The following ZPBP variants were observed in gnomAD, a reference collection of about 807,000 sequenced individuals.
ZPBP encodes zona pellucida binding protein, also known as zona pellucida-binding protein 1.
ZPBP carries 26 observed loss-of-function variants against 44.8 expected under a neutral mutation model. That is an observed-to-expected ratio of 0.58 (90% CI 0.43 to 0.81). The LOEUF is 0.81. Ranked by LOEUF, ZPBP falls within the 30% of genes least tolerant of loss-of-function variation. ZPBP has a pLI of 0.00. For missense variants in ZPBP, 409 were observed against 434.0 expected, an observed-to-expected ratio of 0.94 and a Z score of 0.51; for synonymous variants, 174 against 153.2, an observed-to-expected ratio of 1.14 and a Z score of -1.00.
chr7:49,930,407 T>A (rs1794406849), intron 1 of ZPBP, among the ~76,000 whole-genome samples: 1 of 152,186 alleles, frequency 6.6e-6, no homozygotes, highest in South Asian at 2.1e-4. Context: ...AATATAAAAA[T>A]CTATGTGATG....
chr7:49,966,724 A>T (rs1011715306), intron 7 of ZPBP, among the ~76,000 whole-genome samples: 1 of 152,172 alleles, frequency 6.6e-6, no homozygotes, highest in African/African-American at 2.4e-5. Flanking sequence ...AAAGACACAA[A>T]CAATCAAAAC....
chr7:49,879,316 C>T (rs1791575970), intron 2 of ZPBP, among the ~76,000 whole-genome samples: 2 of 152,092 alleles, frequency 1.3e-5, no homozygotes, highest in Admixed American at 1.3e-4. Context: ...TGTTTTTATT[C>T]TTGTCTGATC....
At chr7:49,920,660 A>T (rs1793978066) in intron 1 of ZPBP, 4 of 152,224 alleles carry the variant, frequency 2.6e-5, no homozygotes. Flanking sequence ...CTATTTGCAC[A>T]TAGCTATAAA....
In ZPBP at chr7:50,016,776, T is replaced by C. The variant is rs374935618; in HGVS notation, c.783+1464A>G. On this transcript the variant is annotated intron_variant, in intron 6 of 7. Transcript: ENST00000046087. ...GATGTTTTAGGTAATAACTGACTAA[T>C]GTTTATCACAGTACTCACATATTAA... Among the ~76,000 whole-genome samples the C allele has an allele frequency of 5.3e-5, 8 of 152,244 alleles. No homozygotes were observed. In the East Asian group the frequency reaches 1.5e-3, roughly 29 times the overall value.
At chr7:50,090,518 T>G in intron 1 of ZPBP, among the ~76,000 whole-genome samples, 1 of 151,958 alleles carries the variant, frequency 6.6e-6, no homozygotes, top group East Asian at 1.9e-4. Flanking sequence ...TATGTGTATA[T>G]ATGTGTATAT....
chr7:49,868,871 G>A lies in ZPBP; in HGVS notation n.510-18357C>T, dbSNP rs139410141. On this transcript the variant is annotated intron_variant and non_coding_transcript_variant, in intron 2 of 2. Coordinates refer to the ZPBP transcript ENST00000465922. The stretch of plus-strand genomic sequence containing the variant: ...TAACCTCAAGTGATCCACCTGCCTC[G>A]GCCTCCCAAAGTGCTGGGATTACGG... Among the ~76,000 whole-genome samples, 547 of 152,258 alleles carry A rather than the reference G, an allele frequency of 3.6e-3. 2 individuals are homozygous for A. The highest frequency in any genetic ancestry group is 6.2e-3 in the Non-Finnish European group (420 of 68,024).
intron 6 of ZPBP, among the ~76,000 whole-genome samples, chr7:49,999,340 G>A (rs1797996764): frequency 6.6e-6 from 1 of 151,612 alleles, no homozygotes; most frequent in African/African-American, 2.4e-5. Flanking sequence ...TCAAAAGCTG[G>A]TGAGGAGAAA....
At chr7:49,993,851 T>C (rs927675643) in intron 6 of ZPBP, among the ~76,000 whole-genome samples, 5 of 62,866 alleles carry the variant, frequency 8.0e-5, no homozygotes, top group Non-Finnish European at 1.8e-4. Context: ...CATGAGCACA[T>C]TGGGACATGA....
At chr7:50,089,792 G>A (rs1802858788) in intron 1 of ZPBP, 83 bp from the exon 2 acceptor site, 1 of 1,081,394 alleles carries the variant, frequency 9.2e-7, no homozygotes, top group East Asian at 2.6e-5. Context: ...TTTGGTATTG[G>A]TTGAAGGGGA....
At chr7:49,899,698 G>T (rs1792603770) in intron 2 of ZPBP, among the ~76,000 whole-genome samples, 1 of 151,918 alleles carries the variant, frequency 6.6e-6, no homozygotes, top group African/African-American at 2.4e-5. Context: ...ACTGCAAGAA[G>T]AAACAGGTGA....
intron 4 of ZPBP, among the ~76,000 whole-genome samples, chr7:50,034,507 A>C (rs867431219): frequency 8.5e-5 from 13 of 152,182 alleles, no homozygotes; most frequent in Non-Finnish European, 7.3e-5. Context: ...TCAAAATCTA[A>C]AATATTCTCA....
chr7:50,076,436 T>C (rs935372236), intron 3 of ZPBP, among the ~76,000 whole-genome samples: 4 of 151,724 alleles, frequency 2.6e-5, no homozygotes, highest in African/African-American at 9.7e-5. Flanking sequence ...ACAAGATAGA[T>C]ACAAAGGCAT....
At chr7:49,991,834 C>T (rs1236336800) in intron 6 of ZPBP, among the ~76,000 whole-genome samples, 1 of 151,560 alleles carries the variant, frequency 6.6e-6, no homozygotes, top group Admixed American at 6.6e-5. Context: ...GAAAACCTCC[C>T]GTCAAAAATC....
chr7:50,073,195 T>C (rs1469116999), intron 3 of ZPBP, among the ~76,000 whole-genome samples: 1 of 152,022 alleles, frequency 6.6e-6, no homozygotes, highest in Non-Finnish European at 1.5e-5. Context: ...ATTAGATATA[T>C]TTAACAAAGA....
chr7:49,841,100 A>G, the ZPBP span, among the ~76,000 whole-genome samples: 9 of 152,196 alleles, frequency 5.9e-5, no homozygotes, highest in Admixed American at 4.6e-4. Context: ...TTCTGTCTGA[A>G]TTATGAGACA....
the ZPBP span, among the ~76,000 whole-genome samples, chr7:49,844,701 AT>A: frequency 1.3e-5 from 2 of 151,488 alleles, no homozygotes; most frequent in South Asian, 2.1e-4. Context: ...TTTTATTTTT[AT>A]TTTTTTTGAG....
chr7:49,851,571 T>A, intron 2 of ZPBP, among the ~76,000 whole-genome samples: 1 of 152,296 alleles, frequency 6.6e-6, no homozygotes, highest in African/African-American at 2.4e-5. Context: ...ATAAAAAGTC[T>A]GCTACAGGCC....
At chr7:50,036,570 T>C (rs1799837700) in intron 4 of ZPBP, among the ~76,000 whole-genome samples, 1 of 152,100 alleles carries the variant, frequency 6.6e-6, no homozygotes, top group South Asian at 2.1e-4. Flanking sequence ...CTGACACACA[T>C]ATCAAAATAA....
At chr7:49,890,352 A>C (rs535269929) in intron 2 of ZPBP, among the ~76,000 whole-genome samples, 2 of 152,250 alleles carry the variant, frequency 1.3e-5, no homozygotes, top group Non-Finnish European at 2.9e-5. Context: ...CATCAGGAAG[A>C]CAAAAGAACT....
Sources: gnomAD v4.1 joint callset for allele counts (sites outside exome capture counted in the v4.1 genomes callset) on GRCh38, gnomAD v4.1.1 for gene constraint, MANE v1.5 for transcripts, NCBI Gene and HGNC (gene_info 2026-07-23, HGNC 2026-07-21) for gene names.